Variants in ERC2 observed in about 807,000 individuals in gnomAD.
The protein encoded by ERC2 is ERC protein 2.
A neutral mutation model predicts 114.8 loss-of-function variants in ERC2; 42 were observed. That is an observed-to-expected ratio of 0.37 (90% CI 0.29 to 0.47). The LOEUF (loss-of-function observed/expected upper bound fraction) is 0.47, where lower values mean the gene tolerates loss of function less well. Ranked by LOEUF, ERC2 falls within the 20% of genes least tolerant of loss-of-function variation. The probability of loss-of-function intolerance (pLI) is 0.99; values close to 1 mark genes in which losing one functional copy is unlikely to be tolerated. For synonymous variants in ERC2, 454 were observed against 425.5 expected (o/e 1.07, Z -0.82); for missense variants, 939 against 1,150.7 (o/e 0.82, Z 2.66).
At chr3:55,597,144 G>A (rs2058177350) in intron 17 of ERC2, among the ~76,000 whole-genome samples, 1 of 152,160 alleles carries the variant, frequency 6.6e-6, no homozygotes, top group Non-Finnish European at 1.5e-5. Context: ...GATTTGGCCG[G>A]GCGCGGTGGC....
intron 3 of ERC2, among the ~76,000 whole-genome samples, chr3:56,205,452 T>A (rs1373466595): frequency 6.6e-6 from 1 of 152,194 alleles, no homozygotes; most frequent in Non-Finnish European, 1.5e-5. Context: ...AGCATCTGAT[T>A]AATGTCTGTC....
At chr3:56,188,993 A>C (rs557518739) in intron 3 of ERC2, among the ~76,000 whole-genome samples, 1 of 152,122 alleles carries the variant, frequency 6.6e-6, no homozygotes, top group Non-Finnish European at 1.5e-5. Context: ...ACTTGCCATG[A>C]AATATTTCAT....
chr3:56,128,282 C>T (rs981191129), intron 6 of ERC2, among the ~76,000 whole-genome samples: 1 of 152,018 alleles, frequency 6.6e-6, no homozygotes, highest in Non-Finnish European at 1.5e-5. Flanking sequence ...AAACAAACTC[C>T]AAACAATTCT....
intron 7 of ERC2, among the ~76,000 whole-genome samples, chr3:56,033,226 TAC>T (rs1384599157): frequency 6.6e-6 from 1 of 152,086 alleles, no homozygotes; most frequent in Non-Finnish European, 1.5e-5. Flanking sequence ...ACCCCATCTC[TAC>T]AAAAAAGGAA....
chr3:55,688,572 C>G (rs1030613570), intron 16 of ERC2, among the ~76,000 whole-genome samples: 1 of 152,160 alleles, frequency 6.6e-6, no homozygotes, highest in African/African-American at 2.4e-5. Context: ...CTTGGTCCTG[C>G]CTTCTTTCCA....
intron 2 of ERC2, among the ~76,000 whole-genome samples, chr3:56,408,047 G>A (rs1468370381): frequency 2.6e-5 from 4 of 152,142 alleles, no homozygotes; most frequent in African/African-American, 4.8e-5. Context: ...CCTTCAAAGC[G>A]TCACACATTT....
At chr3:55,996,316 C>T (rs2071507178) in intron 10 of ERC2, among the ~76,000 whole-genome samples, 1 of 152,144 alleles carries the variant, frequency 6.6e-6, no homozygotes, top group African/African-American at 2.4e-5. Context: ...TTGATGGTTT[C>T]AGATCTTATT....
intron 14 of ERC2, among the ~76,000 whole-genome samples, chr3:55,761,740 G>A (rs572697957): frequency 2.4e-4 from 36 of 152,046 alleles, no homozygotes; most frequent in Middle Eastern, 3.5e-3. Context: ...TGGTGGTTTT[G>A]TGGCGGGCGC....
chr3:55,756,646 C>T (rs1447259094), intron 14 of ERC2, among the ~76,000 whole-genome samples: 1 of 152,194 alleles, frequency 6.6e-6, no homozygotes, highest in African/African-American at 2.4e-5. Flanking sequence ...TATTTCCAAA[C>T]ACTGGCCCAA....
chr3:56,197,554 A>G (rs1173381167), intron 3 of ERC2, among the ~76,000 whole-genome samples: 3 of 152,206 alleles, frequency 2.0e-5, no homozygotes, highest in African/African-American at 7.2e-5. Flanking sequence ...GGAACACAAT[A>G]ATGGTAGCAA....
Position 56,052,179 on chromosome 3 carries a change from T to C in ERC2, c.1641+28638A>G, listed in dbSNP as rs774501230. ...AGGAAGCGCCATCAAGGATGCCCTATGGGTAGCTTAACAGTCATTGCAGAC... is the reference window on the plus strand; with the variant it reads ...AGGAAGCGCCATCAAGGATGCCCTACGGGTAGCTTAACAGTCATTGCAGAC... On this transcript the variant is annotated intron_variant, in intron 7 of 17. Transcript: ENST00000288221. 9.3e-4 allele frequency among the ~76,000 whole-genome samples: 141 copies of C among 152,318 alleles called. 1 individual carries two copies. The highest frequency in any genetic ancestry group is 6.2e-4 in the Non-Finnish European group (42 of 68,018).
At chr3:56,003,754 T>C (rs892213553) in intron 10 of ERC2, among the ~76,000 whole-genome samples, 2 of 152,140 alleles carry the variant, frequency 1.3e-5, no homozygotes, top group Admixed American at 6.6e-5. Context: ...TACCAACTTC[T>C]ACTGTTGTCT....
chr3:55,916,794 T>C (rs1405170402), intron 13 of ERC2, among the ~76,000 whole-genome samples: 2 of 152,204 alleles, frequency 1.3e-5, no homozygotes, highest in Non-Finnish European at 2.9e-5. Flanking sequence ...AACTCTCTTG[T>C]TCATTTTAAA....
chr3:55,958,866 G>A (rs184685559), intron 12 of ERC2, among the ~76,000 whole-genome samples: 4 of 152,300 alleles, frequency 2.6e-5, no homozygotes, highest in Admixed American at 2.6e-4. Context: ...GCCCCTGAGA[G>A]CGCAGGGATG....
intron 2 of ERC2, among the ~76,000 whole-genome samples, chr3:56,367,263 C>CCTTTTTTTTT (rs1560682480): frequency 3.5e-5 from 5 of 143,036 alleles, no homozygotes; most frequent in African/African-American, 1.4e-4. Context: ...CAATGGGCAG[C>CCTTTTTTTTT]ATTTTTTTTT....
At chr3:55,946,558 G>C (rs2067139209) in intron 13 of ERC2, among the ~76,000 whole-genome samples, 1 of 152,118 alleles carries the variant, frequency 6.6e-6, no homozygotes, top group African/African-American at 2.4e-5. Flanking sequence ...CATATGTCAG[G>C]TACTGTGCTA....
At chr3:56,221,359 T>C (rs2049897185) in intron 3 of ERC2, among the ~76,000 whole-genome samples, 2 of 149,746 alleles carry the variant, frequency 1.3e-5, no homozygotes, top group East Asian at 3.9e-4. Context: ...ATTCAAGAGA[T>C]ATTATTTCAG....
chr3:56,405,733 T>C (rs1238710403), intron 2 of ERC2, among the ~76,000 whole-genome samples: 2 of 152,166 alleles, frequency 1.3e-5, no homozygotes, highest in Non-Finnish European at 1.5e-5. Flanking sequence ...TCTCATAATA[T>C]GATAATACAG....
intron 3 of ERC2, among the ~76,000 whole-genome samples, chr3:56,220,065 C>T (rs1289969533): frequency 2.6e-5 from 4 of 152,144 alleles, no homozygotes; most frequent in Non-Finnish European, 4.4e-5. Context: ...AAAGCAGATG[C>T]CTCTGAATGG....
Sources: gnomAD v4.1 joint callset for allele counts (sites outside exome capture counted in the v4.1 genomes callset) on GRCh38, gnomAD v4.1.1 for gene constraint, MANE v1.5 for transcripts, NCBI Gene and HGNC (gene_info 2026-07-23, HGNC 2026-07-21) for gene names.